Variants in SLC11A2 observed in about 807,000 individuals in gnomAD.
SLC11A2 encodes the protein natural resistance-associated macrophage protein 2.
In SLC11A2, 38 loss-of-function variants were observed where a neutral mutation model predicts 68.0. The ratio of observed to expected loss-of-function variants is 0.56; its 90% CI spans 0.43 to 0.73. The LOEUF (loss-of-function observed/expected upper bound fraction) is 0.73. Ranked by LOEUF, SLC11A2 falls within the 30% of genes least tolerant of loss-of-function variation. The pLI is 0.00. For missense variants in SLC11A2, 517 were observed against 690.5 expected (o/e 0.75, Z 2.82); for synonymous variants, 242 against 250.6 (o/e 0.97, Z 0.32).
chr12:51,026,486 C>T (rs1215741028), upstream of SLC11A2: 4 of 626,886 alleles, frequency 6.4e-6, no homozygotes, highest in Admixed American at 3.1e-5. Flanking sequence ...GCCCGCAGAC[C>T]AGGGACCTAG....
rs886049558 is a variant in SLC11A2, at chr12:50,986,423, G to C, written c.*1902C>G. On this transcript the variant is annotated 3_prime_UTR_variant, in exon 16 of 16. Coordinates refer to ENST00000262052, the MANE Select transcript of SLC11A2 (RefSeq NM_000617.3). ...ATAAAATGCCATTTAATTGGAAGGA[G>C]TTTTCTATCATTGCAAGTCATAAAT... 2.6e-5 allele frequency: 34 copies of C among 1,283,528 alleles called. No individual in the cohort carries two copies. Among genetic ancestry groups the C allele is most frequent in the Admixed American group, 4.6e-5 (2 of 43,418 alleles). 79.5% of individuals were successfully genotyped at this position (1,283,528 alleles called of 1,614,324 possible). A position where few individuals can be genotyped will look rare whatever the true frequency, so the allele number is the denominator to read the frequency against.
intron 8 of SLC11A2, among the ~76,000 whole-genome samples, chr12:50,998,091 C>T (rs994286991): frequency 2.0e-5 from 3 of 152,058 alleles, no homozygotes; most frequent in Admixed American, 1.3e-4. Flanking sequence ...GGCACAGTGG[C>T]TCACAGCTGA....
At chr12:51,005,747 T>C in intron 3 of SLC11A2, 2 of 1,253,780 alleles carry the variant, frequency 1.6e-6, no homozygotes, top group Non-Finnish European at 2.1e-6. Flanking sequence ...GAGCCACCAT[T>C]TTAAAAAGGA....
At chr12:50,994,751 T>C (rs1941538877) in intron 10 of SLC11A2, 121 bp from the exon 11 acceptor site, 2 of 719,148 alleles carry the variant, frequency 2.8e-6, no homozygotes, top group Admixed American at 4.0e-5. Context: ...ACACTGGACA[T>C]ATGCTGTGAT....
intron 6 of SLC11A2, 64 bp downstream of exon 6, chr12:51,000,243 GGTTTTT>G: frequency 9.0e-7 from 1 of 1,116,306 alleles, no homozygotes; most frequent in Non-Finnish European, 1.4e-6. Context: ...AAATGAATTG[GGTTTTT>G]GTTTTTATCT....
intron 14 of SLC11A2, 44 bp from the exon 15 acceptor site, chr12:50,990,992 T>C (rs1941094254): frequency 6.3e-7 from 1 of 1,588,660 alleles, no homozygotes. Flanking sequence ...TAATCCAACT[T>C]GGCCACAGAC....
intron 1 of SLC11A2, among the ~76,000 whole-genome samples, chr12:51,016,251 AT>A (rs535643868): frequency 2.0e-4 from 30 of 152,236 alleles, no homozygotes; most frequent in African/African-American, 6.7e-4. Context: ...ATATACAAAA[AT>A]TAGCTAGGTG....
intron 15 of SLC11A2, 84 bp downstream of exon 15, chr12:50,990,711 G>C (rs1366473329): frequency 1.4e-6 from 2 of 1,418,068 alleles, no homozygotes; most frequent in Non-Finnish European, 2.0e-6. Flanking sequence ...TGCCCAGCCT[G>C]GGTCTGTTCA....
At chr12:51,022,986 C>T (rs1322925526) in intron 1 of SLC11A2, among the ~76,000 whole-genome samples, 2 of 152,090 alleles carry the variant, frequency 1.3e-5, no homozygotes, top group Non-Finnish European at 2.9e-5. Context: ...CATTGCTGGC[C>T]AATTGTTTTA....
upstream of SLC11A2, among the ~76,000 whole-genome samples, chr12:51,027,595 GC>G (rs1468646331): frequency 1.3e-4 from 20 of 152,216 alleles, no homozygotes; most frequent in East Asian, 3.3e-3. Context: ...GCCAGTTTCA[GC>G]CTCACACCGT....
chr12:50,954,111 T>C, the SLC11A2 span: 1 of 1,435,168 alleles, frequency 7.0e-7, no homozygotes, highest in Non-Finnish European at 9.8e-7. Flanking sequence ...AAGCCTTGAC[T>C]GGATGCAGAA....
rs1425948375 is a variant in SLC11A2, at chr12:50,987,575, C to T, written c.*750G>A. 7.8e-7 allele frequency: 1 copy of T among 1,287,168 alleles called. No homozygotes were observed. Among genetic ancestry groups the T allele is most frequent in the South Asian group, 1.2e-5 (1 of 80,934 alleles). 79.7% of individuals were successfully genotyped at this position (1,287,168 alleles called of 1,614,324 possible). ...TAAATATCATCAGGAAAGCTCTGTA[C>T]TAACAGGCAGGTTATTAAGACTCCC... On this transcript the variant is annotated 3_prime_UTR_variant, in exon 16 of 16. Coordinates refer to ENST00000262052, the MANE Select transcript of SLC11A2 (RefSeq NM_000617.3).
rs1022670933 is a variant in SLC11A2, at chr12:50,994,047, C to CT, written c.1077+496dup. ...GGGTGTATACTGCATCTTTTTTTTC[C>CT]TTTTTTTTTTAAAGACAGAGTCTTA... On this transcript the variant is annotated intron_variant, in intron 11 of 15. Coordinates refer to ENST00000262052, the MANE Select transcript of SLC11A2 (RefSeq NM_000617.3). Among the ~76,000 whole-genome samples, 73 of 120,908 alleles carry CT rather than the reference C, an allele frequency of 6.0e-4. 1 individual carries two copies. The highest frequency in any genetic ancestry group is 1.9e-3 in the East Asian group (7 of 3,684). 79.3% of individuals were successfully genotyped at this position (120,908 alleles called of 152,430 possible).
chr12:50,982,220 C>T (rs113311172), downstream of SLC11A2, among the ~76,000 whole-genome samples: 4 of 152,286 alleles, frequency 2.6e-5, no homozygotes, highest in African/African-American at 9.6e-5. Context: ...AGAGAAAAGC[C>T]TTTCATTTAA....
At chr12:50,995,528 C>T (rs554829629) in intron 10 of SLC11A2, 101 bp downstream of exon 10, 2 of 1,209,998 alleles carry the variant, frequency 1.7e-6, no homozygotes, top group African/African-American at 3.0e-5. Flanking sequence ...ATTATTTCTC[C>T]TGAACATTAA....
intron 8 of SLC11A2, 116 bp downstream of exon 8, chr12:50,999,058 A>C: frequency 3.6e-5 from 32 of 877,580 alleles, no homozygotes; most frequent in Non-Finnish European, 5.2e-5. Flanking sequence ...TTTTGTTGAT[A>C]CACCCACTAT....
intron 1 of SLC11A2, chr12:51,024,453 G>A (rs2269682): frequency 0.071 from 10,827 of 152,302 alleles, 738 homozygotes; most frequent in East Asian, 0.28. Flanking sequence ...GATACAGGTG[G>A]ATCACTTGAG....
intron 8 of SLC11A2, 63 bp downstream of exon 8, chr12:50,999,111 G>A: frequency 7.6e-7 from 1 of 1,309,074 alleles, no homozygotes; most frequent in Non-Finnish European, 1.1e-6. Context: ...TATAATAAAA[G>A]GCTAAAAAAA....
chr12:50,953,527 C>A, the SLC11A2 span, among the ~76,000 whole-genome samples: 2 of 152,224 alleles, frequency 1.3e-5, no homozygotes, highest in Non-Finnish European at 2.9e-5. Context: ...TAATGCCCTG[C>A]ACATTCTGCA....
Sources: allele counts gnomAD v4.1 joint callset (sites outside exome capture counted in the v4.1 genomes callset), GRCh38; gene constraint gnomAD v4.1.1; transcripts MANE v1.5; gene names NCBI Gene and HGNC (gene_info 2026-07-23, HGNC 2026-07-21).